The following SHLD1 variants were observed in gnomAD, a reference collection of about 807,000 sequenced individuals.
The protein encoded by SHLD1 is RINN1-REV7-interacting novel NHEJ regulator 3.
SHLD1 carries 3 observed loss-of-function variants against 5.5 expected under a neutral mutation model. The ratio of observed to expected loss-of-function variants is 0.54; its 90% CI spans 0.25 to 1.40. The LOEUF (loss-of-function observed/expected upper bound fraction) is 1.40, where lower values mean the gene tolerates loss of function less well. Among genes scored for constraint, SHLD1 ranks in the 40% most tolerant of loss-of-function variants. The pLI, the probability that SHLD1 is intolerant of heterozygous loss-of-function variation, is 0.15. For missense variants in SHLD1, 210 were observed against 244.4 expected (o/e 0.86, Z 0.94); for synonymous variants, 92 against 94.3 (o/e 0.98, Z 0.14).
rs961465042 is a variant in SHLD1, at chr20:5,806,562, A to G, written c.178+33519A>G. Among the ~76,000 whole-genome samples the G allele has an allele frequency of 6.6e-6, 1 of 152,228 alleles. No individual in the cohort carries two copies. The highest frequency in any genetic ancestry group is 2.4e-5 in the African/African-American group (1 of 41,460). Reference sequence around the variant, plus strand: ...GTTCTGAAGGAATTAGGCTTAACCTAAAATAAACAAAACAATAGAATTTTG... The same window carrying G: ...GTTCTGAAGGAATTAGGCTTAACCTGAAATAAACAAAACAATAGAATTTTG... On this transcript the variant is annotated intron_variant, in intron 2 of 2. Coordinates refer to ENST00000303142, the MANE Select transcript of SHLD1 (RefSeq NM_152504.4). The surrounding 1 kb of genome is among the most constrained non-coding windows in gnomAD (Gnocchi z 7.6).
At chr20:5,781,768 C>T (rs1175744570) in intron 2 of SHLD1, among the ~76,000 whole-genome samples, 2 of 152,190 alleles carry the variant, frequency 1.3e-5, no homozygotes, top group African/African-American at 4.8e-5. Context: ...TGTGAGCTAC[C>T]ACACCCGGCC....
At chr20:5,756,597 G>T in intron 1 of SHLD1, 1 of 159,866 alleles carries the variant, frequency 6.3e-6, no homozygotes, top group South Asian at 1.4e-4. Flanking sequence ...TTTCTGCATT[G>T]ATCTTGTATC....
intron 2 of SHLD1, among the ~76,000 whole-genome samples, chr20:5,859,666 G>A (rs2088135011): frequency 6.6e-6 from 1 of 152,188 alleles, no homozygotes; most frequent in South Asian, 2.1e-4. Context: ...TAGAGAGGAG[G>A]CTTTATAGTT....
chr20:5,771,387 C>A (rs954195310), intron 1 of SHLD1, among the ~76,000 whole-genome samples: 5 of 152,158 alleles, frequency 3.3e-5, no homozygotes, highest in Admixed American at 3.3e-4. Context: ...AATTTTTATG[C>A]TTTTCAGCCC....
intron 2 of SHLD1, among the ~76,000 whole-genome samples, chr20:5,776,094 A>C (rs1461189269): frequency 6.6e-6 from 1 of 151,534 alleles, no homozygotes; most frequent in Non-Finnish European, 1.5e-5. Context: ...CACCTGGCTA[A>C]TTTTTGTGTT....
At chr20:5,853,810 G>A (rs2088043732) in intron 2 of SHLD1, among the ~76,000 whole-genome samples, 1 of 150,916 alleles carries the variant, frequency 6.6e-6, no homozygotes. Context: ...CCTTTTATTT[G>A]CCTGTTCATA....
At chr20:5,844,481 C>CA (rs2087903019) in intron 2 of SHLD1, among the ~76,000 whole-genome samples, 1 of 152,152 alleles carries the variant, frequency 6.6e-6, no homozygotes. Flanking sequence ...GAGGGCTCTA[C>CA]CAGCCTGGGC....
chr20:5,784,774 A>C (rs1007379021), intron 2 of SHLD1, among the ~76,000 whole-genome samples: 3 of 152,020 alleles, frequency 2.0e-5, no homozygotes, highest in Admixed American at 2.0e-4. Context: ...AAAGCTCAAG[A>C]ATGTTATTTG....
Position 5,863,216 on chromosome 20 carries a change from G to T in SHLD1, c.371G>T (p.Cys124Phe), listed in dbSNP as rs111939112. The T allele has an allele frequency of 3.7e-6, 6 of 1,614,164 alleles. No homozygotes were observed. In the Admixed American group the frequency reaches 5.0e-5, roughly 13 times the overall value. The change falls in exon 3 of 3, where the codon TGC becomes TTC. Residue 124 changes from cysteine to phenylalanine, a missense_variant. Cys to Phe is a radical substitution (Grantham distance 205, BLOSUM62 -2). Transcript: ENST00000303142. ...ANSLSASVCK[C>F]LSQKITQLRG... The stretch of plus-strand genomic sequence containing the variant: ...TCACTCTCTGCATCTGTCTGCAAGT[G>T]CCTGTCTCAGAAAATCACTCAACTA...
At chr20:5,756,808 A>G in intron 1 of SHLD1, 1 of 289,164 alleles carries the variant, frequency 3.5e-6, no homozygotes, top group Non-Finnish European at 6.9e-6. Context: ...TGTTGGGATT[A>G]CAGGCGTAAG....
chr20:5,761,951 T>C (rs535557663), intron 1 of SHLD1, among the ~76,000 whole-genome samples: 5 of 151,814 alleles, frequency 3.3e-5, no homozygotes, highest in African/African-American at 1.2e-4. Flanking sequence ...CTCTAGAAGG[T>C]AAGTATTTTT....
chr20:5,802,673 G>T (rs1272332635), intron 2 of SHLD1, among the ~76,000 whole-genome samples: 1 of 151,142 alleles, frequency 6.6e-6, no homozygotes, highest in African/African-American at 2.4e-5. Flanking sequence ...TTTTGACAGG[G>T]TCTCACTCTG....
chr20:5,858,323 A>C (rs1243304074), intron 2 of SHLD1, among the ~76,000 whole-genome samples: 1 of 152,104 alleles, frequency 6.6e-6, no homozygotes, highest in South Asian at 2.1e-4. Context: ...TTTCACGGAG[A>C]TGAAACCCTG....
intron 1 of SHLD1, among the ~76,000 whole-genome samples, chr20:5,758,069 G>C (rs538570044): frequency 6.6e-6 from 1 of 152,002 alleles, no homozygotes; most frequent in Non-Finnish European, 1.5e-5. Context: ...GATGCATAGA[G>C]TGAATTGAGA....
chr20:5,824,588 C>A (rs953788769), intron 2 of SHLD1, among the ~76,000 whole-genome samples: 1 of 148,872 alleles, frequency 6.7e-6, no homozygotes, highest in Non-Finnish European at 1.5e-5. Context: ...TATTTCTCTT[C>A]TATGATCATT....
At chr20:5,761,674 A>C (rs1214030784) in intron 1 of SHLD1, among the ~76,000 whole-genome samples, 1 of 146,750 alleles carries the variant, frequency 6.8e-6, no homozygotes, top group Non-Finnish European at 1.5e-5. Context: ...GTGGTGTGAT[A>C]TCGGCTCACT....
chr20:5,862,813 C>T (rs2088180267), intron 2 of SHLD1, among the ~76,000 whole-genome samples: 1 of 152,162 alleles, frequency 6.6e-6, no homozygotes, highest in South Asian at 2.1e-4. Flanking sequence ...AATCCTTGGT[C>T]CACACAAGTA....
rs1491471257 is a variant in SHLD1, at chr20:5,764,178, T to TA, written c.-4-8684_-4-8683insA. On this transcript the variant is annotated intron_variant, in intron 1 of 2. Transcript: ENST00000303142. ...TATATTTATATATATATATATATTT[T>TA]TATATATATATATTTTATATATATA... Among the ~76,000 whole-genome samples, 37 of 77,410 alleles carry TA rather than the reference T, an allele frequency of 4.8e-4. 1 individual carries two copies. Among genetic ancestry groups the TA allele is most frequent in the African/African-American group, 1.2e-3 (25 of 20,466 alleles). The allele number at this position is 77,410 out of a possible 152,430, so 50.8% of individuals were successfully genotyped here. A position where few individuals can be genotyped will look rare whatever the true frequency, so the allele number is the denominator to read the frequency against.
At chr20:5,830,005 C>A (rs2087709432) in intron 2 of SHLD1, among the ~76,000 whole-genome samples, 1 of 151,996 alleles carries the variant, frequency 6.6e-6, no homozygotes, top group African/African-American at 2.4e-5. Context: ...GGTATAGAAC[C>A]CCATCATTAG....
Sources: gnomAD v4.1 joint callset for allele counts (sites outside exome capture counted in the v4.1 genomes callset) on GRCh38, gnomAD v4.1.1 for gene constraint, Gnocchi (gnomAD v3.1) non-coding constraint, MANE v1.5 for transcripts, NCBI Gene and HGNC (gene_info 2026-07-23, HGNC 2026-07-21) for gene names.